Variants in RCOR1 observed in about 807,000 individuals in gnomAD.
RCOR1 encodes the protein REST corepressor.
In RCOR1, 12 loss-of-function variants were observed where a neutral mutation model predicts 64.0. The observed-to-expected ratio is 0.19, with a 90% CI of 0.12 to 0.30. The LOEUF (loss-of-function observed/expected upper bound fraction) is 0.30, where lower values mean the gene tolerates loss of function less well. Among genes scored for constraint, RCOR1 ranks in the 10% least tolerant of loss-of-function variants. The pLI is 1.00. For missense variants in RCOR1, 502 were observed against 621.2 expected (o/e 0.81, Z 2.04); for synonymous variants, 279 against 227.2 (o/e 1.23, Z -2.05).
intron 2 of RCOR1, among the ~76,000 whole-genome samples, chr14:102,670,892 G>C (rs987995704): frequency 6.6e-6 from 1 of 151,660 alleles, no homozygotes. Flanking sequence ...TAGTGCCTCA[G>C]CCTCCCAAGT....
rs1246845997 is a variant in RCOR1, at chr14:102,722,169, G to A, written c.1190-18G>A. 2.5e-6 allele frequency: 4 copies of A among 1,585,186 alleles called. No individual in the cohort carries two copies. The African/African-American group carries it at 4.1e-5, about 16-fold the overall frequency. On this transcript the variant is annotated intron_variant, in intron 10 of 11. Coordinates refer to ENST00000262241, the MANE Select transcript of RCOR1 (RefSeq NM_015156.4). ...GTTTTTCTCTTGTATTTTAAAAAAT[G>A]CTTTCTTACATCCTTAGCCATCAGG...
At chr14:102,613,957 A>G (rs1463167554) in intron 2 of RCOR1, among the ~76,000 whole-genome samples, 1 of 136,546 alleles carries the variant, frequency 7.3e-6, no homozygotes, top group Non-Finnish European at 1.5e-5. Context: ...CAGTGGTGCA[A>G]TGATCTAGGC....
intron 7 of RCOR1, among the ~76,000 whole-genome samples, chr14:102,711,670 GAGTT>G (rs755642226): frequency 2.7e-4 from 41 of 152,180 alleles, no homozygotes; most frequent in South Asian, 1.9e-3. Flanking sequence ...ATTTCTCAGA[GAGTT>G]CTCTCTCTCT....
At chr14:102,614,782 T>C (rs763496678) in intron 2 of RCOR1, among the ~76,000 whole-genome samples, 64 of 152,004 alleles carry the variant, frequency 4.2e-4, no homozygotes, top group Non-Finnish European at 7.4e-4. Flanking sequence ...TTTTTTGATA[T>C]ACAGCTCAGG....
chr14:102,641,467 G>A (rs1334288356), intron 2 of RCOR1, among the ~76,000 whole-genome samples: 11 of 151,908 alleles, frequency 7.2e-5, no homozygotes, highest in Admixed American at 7.2e-4. Flanking sequence ...GGTTATGGTG[G>A]TGTTCTCCTT....
intron 10 of RCOR1, 116 bp downstream of exon 10, chr14:102,721,493 T>C: frequency 4.4e-6 from 3 of 676,992 alleles, no homozygotes; most frequent in Non-Finnish European, 7.8e-6. Context: ...CAAGGCTGCA[T>C]TGATCCATGA....
chr14:102,652,986 G>A (rs1345297496), intron 2 of RCOR1, among the ~76,000 whole-genome samples: 1 of 152,120 alleles, frequency 6.6e-6, no homozygotes, highest in Non-Finnish European at 1.5e-5. Flanking sequence ...AGGCTGGAGT[G>A]CAGTGACGTG....
chr14:102,654,630 G>A (rs910343013), intron 2 of RCOR1, among the ~76,000 whole-genome samples: 1 of 151,930 alleles, frequency 6.6e-6, no homozygotes, highest in Non-Finnish European at 1.5e-5. Context: ...ACTTTGAGAG[G>A]CGAAGATGGG....
At chr14:102,627,399 G>A (rs1228825860) in intron 2 of RCOR1, among the ~76,000 whole-genome samples, 2 of 152,162 alleles carry the variant, frequency 1.3e-5, no homozygotes, top group Admixed American at 1.3e-4. Context: ...GCTCACGCCC[G>A]TAATCCCAAC....
At position 102,593,034 on chromosome 14, in the gene RCOR1, G is replaced by C; in HGVS notation, c.148G>C (p.Ala50Pro). Residue 50 changes from alanine to proline, a missense_variant, in exon 1 of 12, where the codon GCC (alanine) becomes CCC (proline). Coordinates refer to ENST00000262241, the MANE Select transcript of RCOR1 (RefSeq NM_015156.4). Reference sequence around the variant, plus strand: ...AGCCGCCACTGCCGCCTCGGGCGCCGCCGCCTCCTCAGCCTCGGCCGCCGC... The same window carrying C: ...AGCCGCCACTGCCGCCTCGGGCGCCCCCGCCTCCTCAGCCTCGGCCGCCGC... ...SPAATAASGA[A>P]ASSASAAAAS... 1.6e-6 allele frequency: 2 copies of C among 1,282,762 alleles called. No homozygotes were observed. The highest frequency in any genetic ancestry group is 2.0e-6 in the Non-Finnish European group (2 of 1,007,186). 79.5% of individuals were successfully genotyped at this position (1,282,762 alleles called of 1,614,324 possible). A position where few individuals can be genotyped will look rare whatever the true frequency, so the allele number is the denominator to read the frequency against.
At chr14:102,632,352 G>T (rs955342452) in intron 2 of RCOR1, among the ~76,000 whole-genome samples, 8 of 151,266 alleles carry the variant, frequency 5.3e-5, no homozygotes, top group Non-Finnish European at 8.8e-5. Context: ...CAAGTAGCTG[G>T]GACTACAGGC....
intron 2 of RCOR1, among the ~76,000 whole-genome samples, chr14:102,675,561 C>T (rs780244993): frequency 6.6e-6 from 1 of 152,202 alleles, no homozygotes; most frequent in South Asian, 2.1e-4. Context: ...CTAATGGGCA[C>T]ATAGCACCTA....
At chr14:102,698,757 A>G (rs1895694942) in intron 3 of RCOR1, among the ~76,000 whole-genome samples, 1 of 152,118 alleles carries the variant, frequency 6.6e-6, no homozygotes, top group Non-Finnish European at 1.5e-5. Flanking sequence ...ATGAACCCCC[A>G]TATTACCTGT....
chr14:102,715,092 G>C (rs890185249), intron 8 of RCOR1, among the ~76,000 whole-genome samples: 1 of 149,606 alleles, frequency 6.7e-6, no homozygotes, highest in African/African-American at 2.5e-5. Flanking sequence ...TTTTTGAGAC[G>C]GTGTCTCGCT....
In RCOR1 at chr14:102,671,060, C is replaced by T. The variant is rs373179271; in HGVS notation, c.362-10835C>T. On this transcript the variant is annotated intron_variant, in intron 2 of 11. Transcript: ENST00000262241. The stretch of plus-strand genomic sequence containing the variant: ...AAGTGCTGGGATTGCAGGTGTGAGC[C>T]ACCGCACCCAGCCCTATCTTATAAT... Among the ~76,000 whole-genome samples, 367 of 152,288 alleles carry T rather than the reference C, an allele frequency of 2.4e-3. 5 individuals are homozygous for T. Among genetic ancestry groups the T allele is most frequent in the African/African-American group, 8.6e-3 (357 of 41,566 alleles).
intron 3 of RCOR1, among the ~76,000 whole-genome samples, chr14:102,696,250 C>CT (rs775764051): frequency 6.6e-5 from 10 of 152,074 alleles, no homozygotes; most frequent in Non-Finnish European, 1.0e-4. Flanking sequence ...TAATACAGTG[C>CT]TTTGTTCATG....
chr14:102,656,898 C>T (rs534039522), intron 2 of RCOR1, among the ~76,000 whole-genome samples: 2 of 151,970 alleles, frequency 1.3e-5, no homozygotes, highest in Admixed American at 1.3e-4. Flanking sequence ...GCCTCAGCCT[C>T]CCAAGCAGGT....
chr14:102,641,457 G>A (rs905842530), intron 2 of RCOR1, among the ~76,000 whole-genome samples: 3 of 151,916 alleles, frequency 2.0e-5, no homozygotes, highest in Admixed American at 2.0e-4. Flanking sequence ...AAAATTAGCC[G>A]GTTATGGTGG....
chr14:102,702,468 A>G (rs1266638198), intron 4 of RCOR1, among the ~76,000 whole-genome samples: 1 of 149,944 alleles, frequency 6.7e-6, no homozygotes, highest in Non-Finnish European at 1.5e-5. Context: ...GAAGACCTTT[A>G]TATATCATAT....
Sources: allele counts gnomAD v4.1 joint callset (sites outside exome capture counted in the v4.1 genomes callset), GRCh38; gene constraint gnomAD v4.1.1; transcripts MANE v1.5; gene names NCBI Gene and HGNC (gene_info 2026-07-23, HGNC 2026-07-21).